The following STEAP1B variants were observed in gnomAD, a reference collection of about 807,000 sequenced individuals.
STEAP1B encodes the protein STEAP family member 1B.
A neutral mutation model predicts 27.9 loss-of-function variants in STEAP1B; 13 were observed. The ratio of observed to expected loss-of-function variants is 0.47; its 90% CI spans 0.30 to 0.74. The LOEUF (loss-of-function observed/expected upper bound fraction) is 0.74, where lower values mean the gene tolerates loss of function less well. Among genes scored for constraint, STEAP1B ranks in the 30% least tolerant of loss-of-function variants. The probability of loss-of-function intolerance (pLI) is 0.06; values close to 1 mark genes in which losing one functional copy is unlikely to be tolerated. For synonymous variants in STEAP1B, 86 were observed against 107.1 expected, an observed-to-expected ratio of 0.80 and a Z score of 1.22; for missense variants, 250 against 298.7, an observed-to-expected ratio of 0.84 and a Z score of 1.20.
chr7:22,477,476 G>C (rs1333362953), intron 4 of STEAP1B, among the ~76,000 whole-genome samples: 1 of 152,152 alleles, frequency 6.6e-6, no homozygotes, highest in Non-Finnish European at 1.5e-5. Context: ...TAAGTGTCTT[G>C]TCCAAGGTCA....
intron 4 of STEAP1B, among the ~76,000 whole-genome samples, chr7:22,484,440 T>C (rs992175034): frequency 1.3e-5 from 2 of 152,232 alleles, no homozygotes; most frequent in African/African-American, 4.8e-5. Flanking sequence ...CATGATTTAC[T>C]GCACATTTTA....
At chr7:22,495,776 A>G (rs2128418877) in intron 1 of STEAP1B, among the ~76,000 whole-genome samples, 1 of 152,286 alleles carries the variant, frequency 6.6e-6, no homozygotes, top group Middle Eastern at 3.4e-3. Context: ...TTAGGTGGAA[A>G]GCTGTTTCCA....
rs75308240 is a variant in STEAP1B, at chr7:22,464,948, C to CATATATATATATAT, written c.762+27603_762+27616dup. On this transcript the variant is annotated intron_variant, in intron 4 of 4. Coordinates refer to ENST00000678116, the MANE Select transcript of STEAP1B (RefSeq NM_001382447.1). ...CGAAACCACAGACAGTACCAAACCC[C>CATATATATATATAT]ATATATATATATATATGTAGGCACA... is the stretch of plus-strand genomic sequence containing the variant. 9.2e-3 allele frequency among the ~76,000 whole-genome samples: 415 copies of CATATATATATATAT among 44,982 alleles called. 78 individuals are homozygous for CATATATATATATAT. The highest frequency in any genetic ancestry group is 0.014 in the African/African-American group (250 of 17,754). 29.5% of individuals were successfully genotyped at this position (44,982 alleles called of 152,430 possible). A position where few individuals can be genotyped will look rare whatever the true frequency, so the allele number is the denominator to read the frequency against.
At chr7:22,487,891 A>C (rs1786242837) in intron 4 of STEAP1B, among the ~76,000 whole-genome samples, 1 of 152,060 alleles carries the variant, frequency 6.6e-6, no homozygotes, top group African/African-American at 2.4e-5. Context: ...AAAGAATACA[A>C]GTAAAATATA....
intron 3 of STEAP1B, among the ~76,000 whole-genome samples, chr7:22,493,028 T>C (rs1228746714): frequency 1.3e-5 from 2 of 152,208 alleles, no homozygotes; most frequent in Non-Finnish European, 2.9e-5. Context: ...AGAACAACAA[T>C]ATTAAAAAGT....
chr7:22,448,581 T>C lies in STEAP1B; in HGVS notation c.763-28745A>G, dbSNP rs1785441138. Among the ~76,000 whole-genome samples, 2 of 152,316 alleles carry C rather than the reference T, an allele frequency of 1.3e-5. 1 individual carries two copies. The highest frequency in any genetic ancestry group is 4.8e-5 in the African/African-American group (2 of 41,580). Reference sequence around the variant, plus strand: ...AGATGTTAAAATTTTTCTTCTGGATTGGCTTATCATTAAAATTATGAAGAA... The same window carrying C: ...AGATGTTAAAATTTTTCTTCTGGATCGGCTTATCATTAAAATTATGAAGAA... On this transcript the variant is annotated intron_variant, in intron 4 of 4. Coordinates refer to ENST00000678116, the MANE Select transcript of STEAP1B (RefSeq NM_001382447.1).
At chr7:22,484,846 T>G (rs1786173017) in intron 4 of STEAP1B, among the ~76,000 whole-genome samples, 2 of 152,334 alleles carry the variant, frequency 1.3e-5, no homozygotes, top group South Asian at 4.1e-4. Flanking sequence ...ATTCCAGTCC[T>G]CATGGATGAC....
At position 22,474,413 on chromosome 7, in the gene STEAP1B, A is replaced by G. The variant is rs147034368; in HGVS notation, c.762+18152T>C. On this transcript the variant is annotated intron_variant, in intron 4 of 4. Transcript: ENST00000678116. ...ACATTCTAGTCTGCATCCAAGTTTA[A>G]GAACCACAGCCTTATTTGGAATCTA... 6.0e-3 allele frequency among the ~76,000 whole-genome samples: 921 copies of G among 152,318 alleles called. 8 individuals are homozygous for G. Among genetic ancestry groups the G allele is most frequent in the African/African-American group, 0.021 (889 of 41,566 alleles).
intron 4 of STEAP1B, among the ~76,000 whole-genome samples, chr7:22,491,025 G>C (rs1786312433): frequency 6.6e-6 from 1 of 152,198 alleles, no homozygotes; most frequent in Admixed American, 6.5e-5. Context: ...GTATATAACT[G>C]TTGGTTAAAA....
chr7:22,468,774 G>A lies in STEAP1B; in HGVS notation c.762+23791C>T, dbSNP rs190942320. Among the ~76,000 whole-genome samples, 25 of 152,294 alleles carry A rather than the reference G, an allele frequency of 1.6e-4. No homozygotes were observed. The East Asian group carries it at 4.8e-3, about 29-fold the overall frequency. On this transcript the variant is annotated intron_variant, in intron 4 of 4. Transcript: ENST00000678116. ...GATGGCAGTACCATGAGATTATAAT[G>A]GAGCTGAAAAATTCTCATCATCTTG... is the stretch of plus-strand genomic sequence containing the variant.
At chr7:22,465,877 C>A (rs1785770047) in intron 4 of STEAP1B, among the ~76,000 whole-genome samples, 1 of 152,206 alleles carries the variant, frequency 6.6e-6, no homozygotes, top group Non-Finnish European at 1.5e-5. Context: ...CCACAACACT[C>A]ACCTCCTAAT....
At chr7:22,454,358 T>C (rs1275783571) in intron 4 of STEAP1B, among the ~76,000 whole-genome samples, 2 of 152,164 alleles carry the variant, frequency 1.3e-5, no homozygotes, top group African/African-American at 4.8e-5. Context: ...CGCCGAATAA[T>C]AGAGAAGTCA....
intron 4 of STEAP1B, among the ~76,000 whole-genome samples, chr7:22,488,561 C>G (rs1786260084): frequency 6.6e-6 from 1 of 152,318 alleles, no homozygotes; most frequent in African/African-American, 2.4e-5. Context: ...AAAGTCAACT[C>G]TGAAATGCAG....
At chr7:22,499,129 G>C (rs1786491233) in intron 1 of STEAP1B, among the ~76,000 whole-genome samples, 1 of 152,198 alleles carries the variant, frequency 6.6e-6, no homozygotes, top group Non-Finnish European at 1.5e-5. Context: ...TCGACCCAAA[G>C]TTCTCTTTCA....
chr7:22,487,344 A>G (rs1195551168), intron 4 of STEAP1B, among the ~76,000 whole-genome samples: 2 of 152,182 alleles, frequency 1.3e-5, no homozygotes, highest in Admixed American at 1.3e-4. Context: ...CTGCTCTCAG[A>G]AATTTACATC....
At chr7:22,438,164 G>A (rs541133190) in intron 4 of STEAP1B, among the ~76,000 whole-genome samples, 21 of 151,982 alleles carry the variant, frequency 1.4e-4, no homozygotes, top group Non-Finnish European at 2.4e-4. Context: ...TTCCTGTCCC[G>A]AGAAACTCCC....
chr7:22,483,485 G>C (rs1000287630), intron 4 of STEAP1B, among the ~76,000 whole-genome samples: 1 of 152,192 alleles, frequency 6.6e-6, no homozygotes, highest in Admixed American at 6.5e-5. Context: ...TTTTGTTTTT[G>C]GTTTTGTTTT....
At chr7:22,488,319 T>C (rs113184203) in intron 4 of STEAP1B, among the ~76,000 whole-genome samples, 1,892 of 152,274 alleles carry the variant, frequency 0.012, 15 homozygotes, top group Middle Eastern at 0.034. Context: ...CATTCTGTGT[T>C]TGGGGAAGGA....
chr7:22,471,886 C>G (rs1257571568), intron 4 of STEAP1B, among the ~76,000 whole-genome samples: 1 of 122,040 alleles, frequency 8.2e-6, no homozygotes, highest in East Asian at 2.5e-4. Flanking sequence ...CTGGGCAAAC[C>G]TGTCTCCAAA....
Sources: gnomAD v4.1 joint callset for allele counts (sites outside exome capture counted in the v4.1 genomes callset) on GRCh38, gnomAD v4.1.1 for gene constraint, MANE v1.5 for transcripts, NCBI Gene and HGNC (gene_info 2026-07-23, HGNC 2026-07-21) for gene names.